The following SUPT3H variants were observed in gnomAD, a reference collection of about 807,000 sequenced individuals.
SUPT3H encodes the protein transcription initiation protein SPT3 homolog.
SUPT3H carries 44 observed loss-of-function variants against 44.3 expected under a neutral mutation model. That is an observed-to-expected ratio of 0.99 (90% CI 0.78 to 1.28). SUPT3H has a LOEUF of 1.28. Ranked by LOEUF, SUPT3H falls within the 50% of genes most tolerant of loss-of-function variation. SUPT3H has a pLI of 0.00. For missense variants in SUPT3H, 380 were observed against 387.1 expected, an observed-to-expected ratio of 0.98 and a Z score of 0.15; for synonymous variants, 124 against 125.6, an observed-to-expected ratio of 0.99 and a Z score of 0.09.
chr6:45,250,851 G>C (rs546022124), intron 2 of SUPT3H: 8 of 151,968 alleles, frequency 5.3e-5, no homozygotes, highest in African/African-American at 1.4e-4. Flanking sequence ...TTTTGAGACA[G>C]AGTCTTGCTC....
At chr6:44,914,925 G>A (rs1310329794) in intron 10 of SUPT3H, among the ~76,000 whole-genome samples, 2 of 152,152 alleles carry the variant, frequency 1.3e-5, no homozygotes, top group African/African-American at 2.4e-5. Flanking sequence ...CTTAGGACTA[G>A]ATCCAAAAGG....
intron 2 of SUPT3H, among the ~76,000 whole-genome samples, chr6:45,204,140 G>A (rs577733987): frequency 2.9e-4 from 44 of 151,924 alleles, no homozygotes; most frequent in African/African-American, 1.0e-3. Context: ...CCAGCTACTC[G>A]GGAGGCTGAG....
chr6:45,206,303 C>T (rs769927967), intron 2 of SUPT3H, among the ~76,000 whole-genome samples: 6 of 152,020 alleles, frequency 3.9e-5, no homozygotes, highest in Admixed American at 6.6e-5. Flanking sequence ...GGAAAGACTG[C>T]TATTTCAAAT....
chr6:45,347,276 A>C (rs1791081120), intron 2 of SUPT3H, among the ~76,000 whole-genome samples: 2 of 152,184 alleles, frequency 1.3e-5, no homozygotes, highest in Admixed American at 1.3e-4. Flanking sequence ...ATTTCTTTAA[A>C]ATGAATTCGA....
At chr6:44,946,105 T>A (rs187495812) in intron 9 of SUPT3H, among the ~76,000 whole-genome samples, 107 of 152,292 alleles carry the variant, frequency 7.0e-4, no homozygotes, top group African/African-American at 2.5e-3. Context: ...TGACAGCATA[T>A]CCATTTACAG....
chr6:45,165,237 C>A (rs901628561), intron 2 of SUPT3H, among the ~76,000 whole-genome samples: 3 of 152,156 alleles, frequency 2.0e-5, no homozygotes, highest in Non-Finnish European at 4.4e-5. Context: ...CCACCAGTAC[C>A]AGAGAGCCCA....
chr6:44,986,926 T>C (rs931611173), intron 6 of SUPT3H, among the ~76,000 whole-genome samples: 9 of 152,112 alleles, frequency 5.9e-5, no homozygotes, highest in Admixed American at 6.6e-5. Context: ...GATTGATATA[T>C]GGGAAGTACA....
intron 3 of SUPT3H, among the ~76,000 whole-genome samples, chr6:45,056,893 G>C (rs1393761295): frequency 6.6e-6 from 1 of 151,898 alleles, no homozygotes; most frequent in Non-Finnish European, 1.5e-5. Flanking sequence ...AAAATTACCA[G>C]ATATGCAAAG....
At chr6:45,018,208 T>C (rs1442498791) in intron 4 of SUPT3H, among the ~76,000 whole-genome samples, 11 of 152,148 alleles carry the variant, frequency 7.2e-5, no homozygotes, top group East Asian at 1.9e-4. Context: ...TATCCTGAGA[T>C]TTTGCTGAAG....
In SUPT3H at chr6:45,206,788, G is replaced by C. The variant is rs536671754; in HGVS notation, c.102-100782C>G. Reference sequence around the variant, plus strand: ...AAGATTTTGACCTGCTGGAAGTAAAGAATTGCCAAATAGATTGCTGAGATG... The same window carrying C: ...AAGATTTTGACCTGCTGGAAGTAAACAATTGCCAAATAGATTGCTGAGATG... On this transcript the variant is annotated intron_variant, in intron 2 of 10. Coordinates refer to ENST00000371459, the MANE Select transcript of SUPT3H (RefSeq NM_003599.4). Among the ~76,000 whole-genome samples the C allele has an allele frequency of 9.9e-5, 15 of 152,212 alleles. No homozygotes were observed. The South Asian group carries it at 2.5e-3, about 25-fold the overall frequency.
intron 2 of SUPT3H, chr6:45,328,737 A>G: frequency 6.2e-7 from 1 of 1,612,276 alleles, no homozygotes; most frequent in Non-Finnish European, 8.5e-7. Context: ...ATGGCATCAA[A>G]CAGCCTCTTC....
chr6:44,832,216 C>A (rs1287934082), intron 10 of SUPT3H, among the ~76,000 whole-genome samples: 1 of 152,160 alleles, frequency 6.6e-6, no homozygotes, highest in East Asian at 1.9e-4. Flanking sequence ...AACAACTCAT[C>A]TTCACGTCAA....
rs375413555 is a variant in SUPT3H at position 45,062,469 on chromosome 6, G to A, written c.187-41837C>T. Among the ~76,000 whole-genome samples the A allele has an allele frequency of 6.6e-5, 10 of 152,108 alleles. No homozygotes were observed. The East Asian group carries it at 1.5e-3, about 24-fold the overall frequency. ...GTAGGGGTGAGGAGCCAAGATGGCC[G>A]AATAGGAACAGCTCCGGTCTACAGC... is the stretch of plus-strand genomic sequence containing the variant. On this transcript the variant is annotated intron_variant, in intron 3 of 10. Coordinates refer to ENST00000371459, the MANE Select transcript of SUPT3H (RefSeq NM_003599.4).
At chr6:45,249,605 G>A (rs1435520616) in intron 2 of SUPT3H, among the ~76,000 whole-genome samples, 2 of 152,106 alleles carry the variant, frequency 1.3e-5, no homozygotes, top group African/African-American at 4.8e-5. Flanking sequence ...GACAAAGTTC[G>A]GGACCTGAAG....
At chr6:45,057,561 G>A (rs571945463) in intron 3 of SUPT3H, among the ~76,000 whole-genome samples, 3 of 152,246 alleles carry the variant, frequency 2.0e-5, no homozygotes, top group Admixed American at 6.5e-5. Flanking sequence ...CTAAGCTTTA[G>A]GCTTCTACCT....
chr6:45,137,519 C>A (rs1272654850), intron 2 of SUPT3H, among the ~76,000 whole-genome samples: 2 of 151,486 alleles, frequency 1.3e-5, no homozygotes, highest in Non-Finnish European at 3.0e-5. Flanking sequence ...ATGACCATAA[C>A]AGAACAAAAA....
chr6:44,900,519 G>A (rs1230823454), intron 10 of SUPT3H, among the ~76,000 whole-genome samples: 4 of 152,344 alleles, frequency 2.6e-5, no homozygotes, highest in African/African-American at 7.2e-5. Flanking sequence ...AAACAAAGCG[G>A]CCAGGAAGCT....
intron 6 of SUPT3H, among the ~76,000 whole-genome samples, chr6:44,997,031 G>A (rs746933882): frequency 9.9e-5 from 15 of 151,724 alleles, no homozygotes; most frequent in African/African-American, 3.4e-4. Flanking sequence ...TTTGACTGTC[G>A]TAGTTTCATG....
intron 2 of SUPT3H, among the ~76,000 whole-genome samples, chr6:45,162,895 T>A (rs1448247915): frequency 6.6e-6 from 1 of 152,190 alleles, no homozygotes; most frequent in African/African-American, 2.4e-5. Context: ...ATAAGATTAT[T>A]TGATCACTCA....
Sources: allele counts gnomAD v4.1 joint callset (sites outside exome capture counted in the v4.1 genomes callset), GRCh38; gene constraint gnomAD v4.1.1; transcripts MANE v1.5; gene names NCBI Gene and HGNC (gene_info 2026-07-23, HGNC 2026-07-21).